GALNT14: variants seen among roughly 807,000 people sequenced by gnomAD.
GALNT14 encodes polypeptide N-acetylgalactosaminyltransferase 14, also known as UDP-GalNAc:polypeptide N-acetylgalactosaminyltransferase 14.
GALNT14 carries 60 observed loss-of-function variants against 77.5 expected under a neutral mutation model. The ratio of observed to expected loss-of-function variants is 0.77; its 90% CI spans 0.63 to 0.96. GALNT14 has a LOEUF of 0.96. Ranked by LOEUF, GALNT14 falls within the 40% of genes least tolerant of loss-of-function variation. GALNT14 has a pLI of 0.00. For missense variants in GALNT14, 710 were observed against 731.0 expected, an observed-to-expected ratio of 0.97 and a Z score of 0.33; for synonymous variants, 280 against 281.7, an observed-to-expected ratio of 0.99 and a Z score of 0.06.
intron 3 of GALNT14, among the ~76,000 whole-genome samples, chr2:30,961,892 C>A (rs1558445487): frequency 6.6e-6 from 1 of 152,008 alleles, no homozygotes; most frequent in Non-Finnish European, 1.5e-5. Context: ...GGGGTTTCAC[C>A]ATGTTAGCCA....
At chr2:31,061,461 C>A (rs1423429088) in intron 1 of GALNT14, among the ~76,000 whole-genome samples, 17 of 152,214 alleles carry the variant, frequency 1.1e-4, no homozygotes, top group African/African-American at 2.4e-5. Flanking sequence ...AACTGAGCCC[C>A]CTTTTTCCTC....
intron 9 of GALNT14, among the ~76,000 whole-genome samples, chr2:30,938,681 G>A (rs1025384192): frequency 1.3e-5 from 2 of 152,196 alleles, no homozygotes; most frequent in Non-Finnish European, 2.9e-5. Context: ...TATGAGACAC[G>A]GCTTTCACAT....
At chr2:31,076,432 A>G (rs1158399064) in intron 1 of GALNT14, among the ~76,000 whole-genome samples, 1 of 152,058 alleles carries the variant, frequency 6.6e-6, no homozygotes, top group Non-Finnish European at 1.5e-5. Context: ...CCGCTCTGAG[A>G]CCACCATCCT....
chr2:31,044,440 T>C (rs898927224), intron 1 of GALNT14, among the ~76,000 whole-genome samples: 1 of 152,212 alleles, frequency 6.6e-6, no homozygotes, highest in Middle Eastern at 3.2e-3. Context: ...CATTGATTTA[T>C]TAAGTGTCCT....
intron 1 of GALNT14, among the ~76,000 whole-genome samples, chr2:31,009,941 A>T (rs1670913704): frequency 6.6e-6 from 1 of 152,202 alleles, no homozygotes; most frequent in Admixed American, 6.5e-5. Flanking sequence ...GCATTCTGGA[A>T]TACTGCATTT....
intron 1 of GALNT14, among the ~76,000 whole-genome samples, chr2:31,000,356 A>G (rs1198266625): frequency 6.6e-6 from 1 of 151,668 alleles, no homozygotes; most frequent in Non-Finnish European, 1.5e-5. Flanking sequence ...TAATAAAAGT[A>G]TTATTCGTTT....
chr2:31,137,063 G>C (rs1465422648), intron 1 of GALNT14, among the ~76,000 whole-genome samples: 1 of 152,190 alleles, frequency 6.6e-6, no homozygotes, highest in Non-Finnish European at 1.5e-5. Flanking sequence ...GCCTCCTTCC[G>C]TGTCCCCGGG....
chr2:30,915,833 A>G (rs1308712599), intron 13 of GALNT14, among the ~76,000 whole-genome samples: 2 of 152,210 alleles, frequency 1.3e-5, no homozygotes, highest in Non-Finnish European at 2.9e-5. Context: ...GTTAAATGTT[A>G]AAGGCTGAAA....
intron 14 of GALNT14, 50 bp from the exon 15 acceptor site, chr2:30,911,109 G>A: frequency 1.3e-6 from 2 of 1,566,182 alleles, no homozygotes; most frequent in Non-Finnish European, 1.8e-6. Flanking sequence ...TCAGTAACAT[G>A]GGAGTTCCAG....
At chr2:30,968,873 C>T (rs1471390309) in intron 2 of GALNT14, among the ~76,000 whole-genome samples, 1 of 152,176 alleles carries the variant, frequency 6.6e-6, no homozygotes, top group Non-Finnish European at 1.5e-5. Context: ...CTTGGCCTTG[C>T]TTATCTTTGG....
intron 3 of GALNT14, among the ~76,000 whole-genome samples, chr2:30,964,279 C>T (rs1558447662): frequency 6.6e-6 from 1 of 152,194 alleles, no homozygotes; most frequent in Non-Finnish European, 1.5e-5. Context: ...TGGTCTGCTC[C>T]ATGAACCCCC....
At chr2:31,111,142 GC>G (rs1486673977) in intron 1 of GALNT14, among the ~76,000 whole-genome samples, 1 of 152,176 alleles carries the variant, frequency 6.6e-6, no homozygotes, top group Non-Finnish European at 1.5e-5. Context: ...CAGCTGTGAA[GC>G]CCCAGCAGAC....
intron 1 of GALNT14, among the ~76,000 whole-genome samples, chr2:31,088,378 T>C (rs766545149): frequency 1.7e-4 from 26 of 152,174 alleles, no homozygotes; most frequent in Non-Finnish European, 3.5e-4. Flanking sequence ...ATCTCACTGA[T>C]GTTAAGTTTG....
intron 1 of GALNT14, among the ~76,000 whole-genome samples, chr2:31,010,274 C>A (rs1263779009): frequency 2.0e-5 from 3 of 152,160 alleles, no homozygotes; most frequent in Non-Finnish European, 1.5e-5. Flanking sequence ...AGGCGTGAAC[C>A]ACTGCGCCTG....
chr2:31,070,618 C>A (rs1023340704), intron 1 of GALNT14, among the ~76,000 whole-genome samples: 42 of 152,250 alleles, frequency 2.8e-4, no homozygotes, highest in Non-Finnish European at 4.4e-5. Context: ...ACAGCCGAAA[C>A]AAACAAGGGC....
chr2:30,960,592 G>A (rs951314169), intron 3 of GALNT14, among the ~76,000 whole-genome samples: 4 of 152,042 alleles, frequency 2.6e-5, no homozygotes, highest in African/African-American at 7.2e-5. Flanking sequence ...GAGCGATGGC[G>A]GAGTCCCCTT....
chr2:31,118,787 A>G (rs1220180708), intron 1 of GALNT14, among the ~76,000 whole-genome samples: 4 of 152,210 alleles, frequency 2.6e-5, no homozygotes, highest in Non-Finnish European at 5.9e-5. Flanking sequence ...TGATTTTTAT[A>G]CTTAGGAAAT....
chr2:31,023,414 T>A (rs973303965), intron 1 of GALNT14, among the ~76,000 whole-genome samples: 13 of 152,128 alleles, frequency 8.5e-5, no homozygotes, highest in African/African-American at 2.9e-4. Flanking sequence ...CTCCCCTCTC[T>A]GCTGGACCAC....
the GALNT14 span, among the ~76,000 whole-genome samples, chr2:30,895,715 C>A: frequency 2.0e-5 from 3 of 152,024 alleles, no homozygotes; most frequent in Non-Finnish European, 4.4e-5. Context: ...TGCTCTGTGC[C>A]CCTTGTTCTC....
Sources: allele counts gnomAD v4.1 joint callset (sites outside exome capture counted in the v4.1 genomes callset), GRCh38; gene constraint gnomAD v4.1.1; transcripts MANE v1.5; gene names NCBI Gene and HGNC (gene_info 2026-07-23, HGNC 2026-07-21).